Variants in NAALADL2 observed in about 807,000 individuals in gnomAD.
NAALADL2 encodes N-acetylated alpha-linked acidic dipeptidase like 2, also known as inactive N-acetylated-alpha-linked acidic dipeptidase-like protein 2.
A neutral mutation model predicts 87.2 loss-of-function variants in NAALADL2; 76 were observed. That is an observed-to-expected ratio of 0.87 (90% CI 0.72 to 1.05). NAALADL2 has a LOEUF of 1.05. Ranked by LOEUF, NAALADL2 falls within the 50% of genes least tolerant of loss-of-function variation. The probability of loss-of-function intolerance (pLI) is 0.00; values close to 1 mark genes in which losing one functional copy is unlikely to be tolerated. For synonymous variants in NAALADL2, 354 were observed against 331.0 expected (o/e 1.07, Z -0.75); for missense variants, 1,089 against 945.8 (o/e 1.15, Z -1.99).
At chr3:175,230,567 T>C (rs553120758) in intron 2 of NAALADL2, among the ~76,000 whole-genome samples, 1 of 152,036 alleles carries the variant, frequency 6.6e-6, no homozygotes. Flanking sequence ...CAATGGGATA[T>C]AATTTTACCC....
At chr3:175,447,667 A>G (rs995089742) in intron 6 of NAALADL2, among the ~76,000 whole-genome samples, 4 of 152,210 alleles carry the variant, frequency 2.6e-5, no homozygotes, top group Admixed American at 1.3e-4. Context: ...TCTGCTTAAC[A>G]TAGCTTCCCG....
chr3:175,309,102 C>T (rs1272010674), intron 4 of NAALADL2, among the ~76,000 whole-genome samples: 1 of 152,112 alleles, frequency 6.6e-6, no homozygotes, highest in Non-Finnish European at 1.5e-5. Context: ...AAATAGATCC[C>T]TTCTTTTTAA....
chr3:174,802,364 A>T (rs2109255594), intron 3 of NAALADL2, among the ~76,000 whole-genome samples: 1 of 152,312 alleles, frequency 6.6e-6, no homozygotes, highest in South Asian at 2.1e-4. Context: ...AACAGAATTA[A>T]ATCTTAAGAA....
chr3:175,408,457 A>G (rs997056121), intron 5 of NAALADL2, among the ~76,000 whole-genome samples: 2 of 152,060 alleles, frequency 1.3e-5, no homozygotes, highest in African/African-American at 4.8e-5. Context: ...AAACTAACAA[A>G]TATTTAATAT....
intron 9 of NAALADL2, among the ~76,000 whole-genome samples, chr3:175,559,189 G>A (rs1212481805): frequency 6.6e-6 from 1 of 152,046 alleles, no homozygotes; most frequent in Non-Finnish European, 1.5e-5. Context: ...TGTGGCTATT[G>A]TAAGTGGAAT....
chr3:175,002,253 G>T (rs1202111292), intron 1 of NAALADL2, among the ~76,000 whole-genome samples: 2 of 152,168 alleles, frequency 1.3e-5, no homozygotes, highest in Non-Finnish European at 2.9e-5. Context: ...AGAAAAAGAA[G>T]AAGCATTTGT....
intron 1 of NAALADL2, among the ~76,000 whole-genome samples, chr3:174,988,517 C>T (rs1367917167): frequency 6.6e-6 from 1 of 152,142 alleles, no homozygotes; most frequent in African/African-American, 2.4e-5. Context: ...CAACCACATG[C>T]CACAAACTGA....
intron 11 of NAALADL2, among the ~76,000 whole-genome samples, chr3:175,658,435 C>T (rs573207193): frequency 3.4e-4 from 51 of 152,146 alleles, no homozygotes; most frequent in Non-Finnish European, 7.4e-4. Flanking sequence ...TAGATTGAAA[C>T]TCCGATACTA....
intron 1 of NAALADL2, among the ~76,000 whole-genome samples, chr3:174,501,243 T>TGTATTGGATAA (rs1718870948): frequency 4.7e-5 from 7 of 148,986 alleles, no homozygotes; most frequent in African/African-American, 1.8e-4. Context: ...TACGCCCGGC[T>TGTATTGGATAA]AATTTTTTGT....
At chr3:175,089,269 C>T (rs189268838) in intron 1 of NAALADL2, among the ~76,000 whole-genome samples, 4 of 152,244 alleles carry the variant, frequency 2.6e-5, no homozygotes, top group Admixed American at 2.6e-4. Context: ...CTGGAGACTC[C>T]TGGTGCTTAG....
At chr3:175,142,695 T>C (rs558895968) in intron 2 of NAALADL2, among the ~76,000 whole-genome samples, 1 of 152,126 alleles carries the variant, frequency 6.6e-6, no homozygotes, top group Admixed American at 6.6e-5. Context: ...TTCTGTCTCA[T>C]TCAGTATTTT....
At chr3:174,902,983 G>A (rs1357443150) in intron 1 of NAALADL2, among the ~76,000 whole-genome samples, 9 of 152,050 alleles carry the variant, frequency 5.9e-5, no homozygotes, top group Non-Finnish European at 1.3e-4. Flanking sequence ...TCATACTCCT[G>A]GGGCAAAACT....
At chr3:175,384,698 A>G (rs1377021594) in intron 5 of NAALADL2, among the ~76,000 whole-genome samples, 1 of 151,568 alleles carries the variant, frequency 6.6e-6, no homozygotes, top group Non-Finnish European at 1.5e-5. Flanking sequence ...TTTTATTTCC[A>G]GAAATTATTA....
chr3:175,401,891 A>T (rs1166611156), intron 5 of NAALADL2, among the ~76,000 whole-genome samples: 1 of 152,112 alleles, frequency 6.6e-6, no homozygotes, highest in Non-Finnish European at 1.5e-5. Context: ...GTAGACGATC[A>T]TGAGTATTTA....
At position 175,803,106 on chromosome 3, in the gene NAALADL2, A is replaced by G. The variant is rs1192927512; in HGVS notation, c.2291A>G (p.Glu764Gly). 6 of 1,612,568 alleles carry G rather than the reference A, an allele frequency of 3.7e-6. No homozygotes were observed. Among genetic ancestry groups the G allele is most frequent in the Non-Finnish European group, 5.1e-6 (6 of 1,179,030 alleles). The change falls in exon 14 of 14, where the codon GAA becomes GGA. Residue 764 changes from glutamate (E) to glycine (G), a missense_variant. Physicochemically the swap from Glu to Gly is moderately conservative, Grantham distance 98 (BLOSUM62 -2). Transcript: ENST00000454872. ...CTTGCATCAAATGAGACCCTTCAAGAAGCCCTGTCAGAGGTGTTGAACAGC... is the reference window on the plus strand; with the variant it reads ...CTTGCATCAAATGAGACCCTTCAAGGAGCCCTGTCAGAGGTGTTGAACAGC... Reference protein sequence around the residue: ...KPLASNETLQEALSEVLNSIN... With the variant: ...KPLASNETLQGALSEVLNSIN...
intron 1 of NAALADL2, among the ~76,000 whole-genome samples, chr3:174,887,054 G>A (rs914755920): frequency 1.3e-5 from 2 of 152,136 alleles, no homozygotes; most frequent in African/African-American, 4.8e-5. Context: ...CCAAAACTCT[G>A]ATGCTGTAGC....
chr3:175,199,833 TATATATATATATATATATATATATATA>T (rs1739573769), intron 2 of NAALADL2, among the ~76,000 whole-genome samples: 1 of 12,042 alleles, frequency 8.3e-5, no homozygotes, highest in Non-Finnish European at 1.5e-4. Context: ...TATATATATA[TATATATATATATATATATATATATATA>T]TATATTTTTT....
intron 9 of NAALADL2, among the ~76,000 whole-genome samples, chr3:175,531,539 A>G (rs1224261490): frequency 1.3e-5 from 2 of 152,198 alleles, no homozygotes; most frequent in African/African-American, 4.8e-5. Context: ...AGAAGCAAAA[A>G]CTGATTAAGG....
At chr3:175,109,139 G>T (rs1236674142) in intron 2 of NAALADL2, among the ~76,000 whole-genome samples, 7 of 151,808 alleles carry the variant, frequency 4.6e-5, no homozygotes, top group African/African-American at 1.5e-4. Context: ...TAAGCAAATT[G>T]TCTATGTAGA....
Sources: allele counts gnomAD v4.1 joint callset (sites outside exome capture counted in the v4.1 genomes callset), GRCh38; gene constraint gnomAD v4.1.1; transcripts MANE v1.5; gene names NCBI Gene and HGNC (gene_info 2026-07-23, HGNC 2026-07-21).